The following PBX3 variants were observed in gnomAD, a reference collection of about 807,000 sequenced individuals.
PBX3 encodes the protein pre-B-cell leukemia transcription factor 3.
In PBX3, 14 loss-of-function variants were observed where a neutral mutation model predicts 48.5. The ratio of observed to expected loss-of-function variants is 0.29; its 90% confidence interval spans 0.19 to 0.45. The LOEUF is 0.45. Ranked by LOEUF, PBX3 falls within the 20% of genes least tolerant of loss-of-function variation. PBX3 has a pLI of 1.00. For missense variants in PBX3, 386 were observed against 546.7 expected, an observed-to-expected ratio of 0.71 and a Z score of 2.93; for synonymous variants, 210 against 200.3, an observed-to-expected ratio of 1.05 and a Z score of -0.41.
intron 4 of PBX3, among the ~76,000 whole-genome samples, chr9:125,932,412 T>G (rs1379475102): frequency 2.0e-5 from 3 of 152,216 alleles, no homozygotes; most frequent in African/African-American, 7.2e-5. Context: ...CTTCTCTCCC[T>G]TAGTAAGCCA....
intron 2 of PBX3, among the ~76,000 whole-genome samples, chr9:125,778,904 T>C (rs1837157329): frequency 7.3e-6 from 1 of 136,086 alleles, no homozygotes; most frequent in African/African-American, 2.8e-5. Context: ...GCAAAAGATA[T>C]ACATCACAAA....
intron 2 of PBX3, among the ~76,000 whole-genome samples, chr9:125,786,001 T>C (rs939009752): frequency 6.6e-6 from 1 of 151,936 alleles, no homozygotes; most frequent in Non-Finnish European, 1.5e-5. Context: ...GACTATTTTC[T>C]AGCATACTGA....
intron 2 of PBX3, among the ~76,000 whole-genome samples, chr9:125,780,968 C>CGGGCAGA (rs1837284198): frequency 1.0e-5 from 1 of 98,530 alleles, no homozygotes. Context: ...GGGTTGCGGC[C>CGGGCAGA]GGGCAGAGGC....
intron 6 of PBX3, among the ~76,000 whole-genome samples, chr9:125,961,216 G>GC (rs1842423743): frequency 6.6e-6 from 1 of 152,246 alleles, no homozygotes; most frequent in African/African-American, 2.4e-5. Context: ...GGGAAATGCA[G>GC]CAGTTGCTGT....
intron 2 of PBX3, among the ~76,000 whole-genome samples, chr9:125,805,835 G>T (rs60440713): frequency 6.6e-6 from 1 of 152,086 alleles, no homozygotes; most frequent in East Asian, 1.9e-4. Flanking sequence ...TGGTTCATTA[G>T]TTTATTCAAG....
At chr9:125,921,545 A>G (rs1274764776) in intron 3 of PBX3, among the ~76,000 whole-genome samples, 7 of 152,192 alleles carry the variant, frequency 4.6e-5, no homozygotes, top group African/African-American at 9.6e-5. Context: ...CATACATTAT[A>G]TAATATAATC....
chr9:125,823,246 A>G (rs1401327286), intron 2 of PBX3, among the ~76,000 whole-genome samples: 1 of 152,220 alleles, frequency 6.6e-6, no homozygotes, highest in African/African-American at 2.4e-5. Context: ...AATTTACTTC[A>G]GTCACTGTAA....
intron 2 of PBX3, among the ~76,000 whole-genome samples, chr9:125,892,292 G>A (rs545137543): frequency 6.6e-6 from 1 of 152,158 alleles, no homozygotes; most frequent in Non-Finnish European, 1.5e-5. Flanking sequence ...ATTCAGAACA[G>A]TTTGTATCGT....
chr9:125,814,887 C>G (rs1336618427), intron 2 of PBX3, among the ~76,000 whole-genome samples: 1 of 152,182 alleles, frequency 6.6e-6, no homozygotes. Context: ...TTAACAACTT[C>G]CAGAATAGGA....
intron 2 of PBX3, among the ~76,000 whole-genome samples, chr9:125,787,933 G>A (rs907098787): frequency 6.6e-6 from 1 of 152,146 alleles, no homozygotes; most frequent in Non-Finnish European, 1.5e-5. Flanking sequence ...GGTCATTGGT[G>A]ATTTATTTAT....
intron 5 of PBX3, among the ~76,000 whole-genome samples, chr9:125,956,429 T>C (rs965665493): frequency 4.6e-5 from 7 of 152,176 alleles, no homozygotes; most frequent in African/African-American, 1.4e-4. Context: ...TTGTATTATG[T>C]GGAAAGCATT....
chr9:125,816,728 G>A (rs185541421), intron 2 of PBX3, among the ~76,000 whole-genome samples: 1 of 152,160 alleles, frequency 6.6e-6, no homozygotes, highest in East Asian at 1.9e-4. Context: ...TCAAGTTTTA[G>A]TCTGTCTCTC....
intron 2 of PBX3, among the ~76,000 whole-genome samples, chr9:125,897,267 A>G (rs1405956089): frequency 2.6e-5 from 4 of 151,520 alleles, no homozygotes; most frequent in Non-Finnish European, 4.4e-5. Flanking sequence ...ACATTTTGCA[A>G]ATGTATCTTA....
Position 125,929,694 on chromosome 9 carries a change from C to T in PBX3, c.556C>T (p.Arg186Ter). 1.2e-6 allele frequency: 2 copies of T among 1,612,716 alleles called. No homozygotes were observed. The highest frequency in any genetic ancestry group is 1.7e-6 in the Non-Finnish European group (2 of 1,179,500). The change falls in exon 4 of 9, where the codon CGA becomes TGA. Residue 186 changes from arginine (R) to a stop codon, truncating the protein, a stop_gained. Transcript: ENST00000373489. LOFTEE classifies it high-confidence loss of function. ...EFTTHVMNLL[R>*]EQSRTRPISP... The stretch of plus-strand genomic sequence containing the variant: ...TACTACACATGTGATGAACCTTCTC[C>T]GAGAACAGAGTAGAACACGTCCCAT...
chr9:125,869,844 A>G (rs1840073946), intron 2 of PBX3, among the ~76,000 whole-genome samples: 1 of 152,194 alleles, frequency 6.6e-6, no homozygotes, highest in Non-Finnish European at 1.5e-5. Flanking sequence ...GTGGATGAGT[A>G]TTGACCATGT....
At chr9:125,950,625 G>GTAT (rs1447796504) in intron 5 of PBX3, among the ~76,000 whole-genome samples, 1 of 152,002 alleles carries the variant, frequency 6.6e-6, no homozygotes, top group Non-Finnish European at 1.5e-5. Context: ...GGGACTACAG[G>GTAT]TATGCACCAC....
chr9:125,830,812 C>G (rs1838938946), intron 2 of PBX3, among the ~76,000 whole-genome samples: 1 of 151,520 alleles, frequency 6.6e-6, no homozygotes, highest in African/African-American at 2.4e-5. Flanking sequence ...AGCTGCGATT[C>G]AAACTCTAGC....
At chr9:125,937,875 G>T (rs1254609853) in intron 5 of PBX3, among the ~76,000 whole-genome samples, 1 of 151,992 alleles carries the variant, frequency 6.6e-6, no homozygotes, top group Non-Finnish European at 1.5e-5. Flanking sequence ...TGTCCAAGCT[G>T]GTCTCGAACT....
chr9:125,960,867 G>C lies in PBX3; in HGVS notation c.1009+18G>C. ...AAATTCCGGTGCGTACTGGGGGCTC[G>C]CTCCCCAACTGGCCCAGGCAGCCTT... On this transcript the variant is annotated intron_variant, in intron 6 of 8. Coordinates refer to ENST00000373489, the MANE Select transcript of PBX3 (RefSeq NM_006195.6). The C allele has an allele frequency of 3.7e-6, 6 of 1,607,268 alleles. No individual in the cohort carries two copies. The highest frequency in any genetic ancestry group is 5.1e-6 in the Non-Finnish European group (6 of 1,175,230).
Sources: gnomAD v4.1 joint callset for allele counts (sites outside exome capture counted in the v4.1 genomes callset) on GRCh38, gnomAD v4.1.1 for gene constraint, MANE v1.5 for transcripts, NCBI Gene and HGNC (gene_info 2026-07-23, HGNC 2026-07-21) for gene names.